RIC1: variants seen among roughly 807,000 people sequenced by gnomAD.
RIC1 encodes the protein guanine nucleotide exchange factor subunit RIC1.
A neutral mutation model predicts 169.0 loss-of-function variants in RIC1; 88 were observed. The ratio of observed to expected loss-of-function variants is 0.52; its 90% CI spans 0.44 to 0.62. RIC1 has a LOEUF of 0.62. Among genes scored for constraint, RIC1 ranks in the 20% least tolerant of loss-of-function variants. The pLI is 0.00. For missense variants in RIC1, 1,877 were observed against 1,725.5 expected (o/e 1.09, Z -1.56); for synonymous variants, 790 against 601.5 (o/e 1.31, Z -4.59).
At chr9:5,750,263 A>G (rs1302404926) in intron 12 of RIC1, among the ~76,000 whole-genome samples, 1 of 151,918 alleles carries the variant, frequency 6.6e-6, no homozygotes, top group African/African-American at 2.4e-5. Flanking sequence ...AATGCTCAGT[A>G]TTTTGTATGA....
intron 11 of RIC1, among the ~76,000 whole-genome samples, chr9:5,746,824 T>G (rs956676300): frequency 6.6e-6 from 1 of 152,118 alleles, no homozygotes. Flanking sequence ...TAATTAAAAT[T>G]TACGAACATC....
chr9:5,700,675 G>A (rs1243640691), intron 3 of RIC1, among the ~76,000 whole-genome samples: 3 of 151,844 alleles, frequency 2.0e-5, no homozygotes, highest in Admixed American at 6.6e-5. Context: ...TTCATGAGCA[G>A]GTATTTTTGC....
chr9:5,732,340 A>G (rs906367913), intron 6 of RIC1, 48 bp from the exon 7 acceptor site: 3 of 1,397,138 alleles, frequency 2.1e-6, no homozygotes, highest in Non-Finnish European at 3.0e-6. Flanking sequence ...GACTACGGTA[A>G]ATTTGGAGAA....
intron 12 of RIC1, among the ~76,000 whole-genome samples, chr9:5,750,292 A>G (rs1044656134): frequency 1.3e-5 from 2 of 151,884 alleles, no homozygotes; most frequent in Non-Finnish European, 2.9e-5. Context: ...TTTACTTCTG[A>G]AAGGTACATA....
intron 4 of RIC1, among the ~76,000 whole-genome samples, chr9:5,718,569 C>A (rs1324465298): frequency 6.6e-6 from 1 of 152,198 alleles, no homozygotes; most frequent in African/African-American, 2.4e-5. Flanking sequence ...CCCATAATTA[C>A]ATTTCTTTAA....
chr9:5,744,681 A>AT (rs147191280), intron 10 of RIC1, among the ~76,000 whole-genome samples: 9,486 of 152,178 alleles, frequency 0.062, 450 homozygotes, highest in South Asian at 0.23. Flanking sequence ...CAGGTGTGGG[A>AT]TTTTTTTACT....
intron 1 of RIC1, among the ~76,000 whole-genome samples, chr9:5,635,536 C>G (rs1180118234): frequency 2.0e-5 from 3 of 152,242 alleles, no homozygotes; most frequent in East Asian, 3.9e-4. Flanking sequence ...TTGCATTGGT[C>G]TATGTATCTC....
intron 1 of RIC1, among the ~76,000 whole-genome samples, chr9:5,636,811 T>G (rs1213022395): frequency 6.6e-6 from 1 of 152,222 alleles, no homozygotes; most frequent in Non-Finnish European, 1.5e-5. Context: ...TCCTTTGAAC[T>G]ACTGCTTTAT....
intron 2 of RIC1, among the ~76,000 whole-genome samples, chr9:5,682,392 G>A (rs1820905484): frequency 6.6e-6 from 1 of 152,268 alleles, no homozygotes; most frequent in South Asian, 2.1e-4. Flanking sequence ...TGTCTGTAAA[G>A]GATTTTATTT....
In RIC1 at chr9:5,629,118, C is replaced by T. The variant is rs546036177; in HGVS notation, c.-192C>T. On this transcript the variant is annotated 5_prime_UTR_variant, in exon 1 of 26. Coordinates refer to ENST00000414202, the MANE Select transcript of RIC1 (RefSeq NM_020829.4). The stretch of plus-strand genomic sequence containing the variant: ...CCCTTCCCTCCCCCACACTCGGCCC[C>T]GTCAGCTTGGGGGTGCCTTCGTCGC... 2.7e-4 allele frequency: 110 copies of T among 400,510 alleles called. 1 individual carries two copies. The highest frequency in any genetic ancestry group is 2.0e-3 in the South Asian group (19 of 9,392). The allele number at this position is 400,510 out of a possible 1,614,324, so 24.8% of individuals were successfully genotyped here. A position where few individuals can be genotyped will look rare whatever the true frequency, so the allele number is the denominator to read the frequency against.
chr9:5,717,532 G>T (rs143197223), intron 4 of RIC1, among the ~76,000 whole-genome samples: 3 of 152,290 alleles, frequency 2.0e-5, no homozygotes, highest in African/African-American at 7.2e-5. Flanking sequence ...AATGGGGTCA[G>T]TGTTCCAAAG....
At chr9:5,751,773 T>C (rs1202429405) in intron 12 of RIC1, among the ~76,000 whole-genome samples, 1 of 152,244 alleles carries the variant, frequency 6.6e-6, no homozygotes, top group Non-Finnish European at 1.5e-5. Context: ...ATAAGTGAAG[T>C]ATAACAAACA....
In RIC1 at chr9:5,755,346, A is replaced by G. The variant is rs1224744026; in HGVS notation, c.1692+416A>G. On this transcript the variant is annotated intron_variant, in intron 15 of 25. Coordinates refer to ENST00000414202, the MANE Select transcript of RIC1 (RefSeq NM_020829.4). ...AACTGTTAATAGTACTGAACCCTAT[A>G]TAGCACTATCTTTTTTCCTATACAT... Among the ~76,000 whole-genome samples, 8 of 152,352 alleles carry G rather than the reference A, an allele frequency of 5.3e-5. No individual in the cohort carries two copies. The South Asian group carries it at 1.5e-3, about 28-fold the overall frequency.
chr9:5,633,257 A>G (rs1399947141), intron 1 of RIC1, among the ~76,000 whole-genome samples: 1 of 152,156 alleles, frequency 6.6e-6, no homozygotes, highest in Non-Finnish European at 1.5e-5. Context: ...TGACCTCAGG[A>G]AGACCATTTT....
chr9:5,658,989 G>A (rs1032124714), intron 2 of RIC1, among the ~76,000 whole-genome samples: 1 of 151,922 alleles, frequency 6.6e-6, no homozygotes, highest in Non-Finnish European at 1.5e-5. Flanking sequence ...AGCATTAATA[G>A]ATGAAAATTT....
intron 4 of RIC1, among the ~76,000 whole-genome samples, chr9:5,718,070 G>T (rs1029312079): frequency 7.0e-5 from 10 of 143,404 alleles, no homozygotes; most frequent in African/African-American, 2.5e-4. Context: ...AACCTGGGAG[G>T]CAGAGGTTGC....
chr9:5,777,894 G>A (rs144789575), downstream of RIC1, among the ~76,000 whole-genome samples: 151 of 152,258 alleles, frequency 9.9e-4, no homozygotes, highest in Admixed American at 2.4e-3. Context: ...TTTTGAAAGC[G>A]AGAGTCCTAA....
At chr9:5,684,890 G>C (rs533343777) in intron 2 of RIC1, among the ~76,000 whole-genome samples, 1 of 152,180 alleles carries the variant, frequency 6.6e-6, no homozygotes, top group South Asian at 2.1e-4. Context: ...GTTGAATTTT[G>C]TCTAATGCTT....
chr9:5,725,300 C>T (rs940612877), intron 6 of RIC1, among the ~76,000 whole-genome samples: 2 of 152,232 alleles, frequency 1.3e-5, no homozygotes, highest in African/African-American at 2.4e-5. Context: ...GTGTATTTGT[C>T]CAGGAATTTA....
Sources: gnomAD v4.1 joint callset for allele counts (sites outside exome capture counted in the v4.1 genomes callset) on GRCh38, gnomAD v4.1.1 for gene constraint, MANE v1.5 for transcripts, NCBI Gene and HGNC (gene_info 2026-07-23, HGNC 2026-07-21) for gene names.